Variants in CLASP1 observed in about 807,000 individuals in gnomAD.
CLASP1 encodes CLIP-associating protein 1.
In CLASP1, 38 loss-of-function variants were observed where a neutral mutation model predicts 192.3. The observed-to-expected ratio is 0.20, with a 90% CI of 0.15 to 0.26. CLASP1 has a LOEUF of 0.26. CLASP1 is among the 10% of genes least tolerant of loss of function. The pLI is 1.00. For synonymous variants in CLASP1, 691 were observed against 712.8 expected, an observed-to-expected ratio of 0.97 and a Z score of 0.49; for missense variants, 1,433 against 1,932.5, an observed-to-expected ratio of 0.74 and a Z score of 4.85.
intron 32 of CLASP1, among the ~76,000 whole-genome samples, chr2:121,384,467 C>A (rs372350184): frequency 6.6e-6 from 1 of 152,126 alleles, no homozygotes; most frequent in African/African-American, 2.4e-5. Context: ...GGATTACAGG[C>A]ATCAGTCACG....
At chr2:121,497,885 C>A (rs2093597819) in intron 8 of CLASP1, among the ~76,000 whole-genome samples, 1 of 152,044 alleles carries the variant, frequency 6.6e-6, no homozygotes, top group South Asian at 2.1e-4. Context: ...ACGCCCGGGC[C>A]CAGCTAATTT....
At chr2:121,525,196 TTGAAC>T (rs2094547622) in intron 6 of CLASP1, among the ~76,000 whole-genome samples, 1 of 152,164 alleles carries the variant, frequency 6.6e-6, no homozygotes, top group Non-Finnish European at 1.5e-5. Context: ...AGAAATAGCA[TTGAAC>T]TGGGAGGAGA....
At chr2:121,629,035 G>A (rs2068942930) in intron 1 of CLASP1, among the ~76,000 whole-genome samples, 1 of 151,848 alleles carries the variant, frequency 6.6e-6, no homozygotes, top group South Asian at 2.1e-4. Context: ...ACAGGGAAGT[G>A]GGAAATAAAT....
intron 1 of CLASP1, among the ~76,000 whole-genome samples, chr2:121,615,526 G>A (rs925793128): frequency 6.6e-6 from 1 of 152,034 alleles, no homozygotes; most frequent in African/African-American, 2.4e-5. Context: ...GTCGGGTGCG[G>A]TGGCTCAAAC....
At chr2:121,400,326 C>T (rs2075975499) in intron 28 of CLASP1, among the ~76,000 whole-genome samples, 1 of 152,066 alleles carries the variant, frequency 6.6e-6, no homozygotes, top group Admixed American at 6.5e-5. Context: ...TAGAGCAATG[C>T]AATTACACAG....
At position 121,377,497 on chromosome 2, in the gene CLASP1, A is replaced by G; in HGVS notation, c.3642+2T>C. The G allele has an allele frequency of 6.2e-7, 1 of 1,600,538 alleles. No individual in the cohort carries two copies. Among genetic ancestry groups the G allele is most frequent in the Non-Finnish European group, 8.5e-7 (1 of 1,172,440 alleles). On this transcript the variant is annotated splice_donor_variant, in intron 34 of 39. Transcript: ENST00000263710. LOFTEE classifies it high-confidence loss of function. ...GTTCTCTTTTAGCCTAGGGATACTT[A>G]CAATATCACACTCCTTTTTGCCATC...
At chr2:121,632,838 G>C (rs914034398) in intron 1 of CLASP1, among the ~76,000 whole-genome samples, 2 of 151,730 alleles carry the variant, frequency 1.3e-5, no homozygotes, top group South Asian at 2.1e-4. Flanking sequence ...GGAGGTTGCG[G>C]TGAGCCAAGA....
intron 2 of CLASP1, among the ~76,000 whole-genome samples, chr2:121,595,622 GTCAGTTTTTAACTCACCCT>G (rs1490393218): frequency 6.6e-6 from 1 of 152,180 alleles, no homozygotes; most frequent in East Asian, 1.9e-4. Context: ...TTTTATACCA[GTCAGTTTTTAACTCACCCT>G]TCACAGACTT....
At chr2:121,635,209 T>TAAAAA (rs776754807) in intron 1 of CLASP1, among the ~76,000 whole-genome samples, 1 of 137,300 alleles carries the variant, frequency 7.3e-6, no homozygotes, top group Non-Finnish European at 1.6e-5. Context: ...ATTGCGTCTG[T>TAAAAA]AAAAAAAAAA....
intron 36 of CLASP1, among the ~76,000 whole-genome samples, chr2:121,363,501 G>A (rs1472242451): frequency 6.6e-6 from 1 of 152,154 alleles, no homozygotes; most frequent in Admixed American, 6.5e-5. Flanking sequence ...ATGAAGGCAG[G>A]CACTGTGCCT....
At position 121,633,146 on chromosome 2, in the gene CLASP1, G is replaced by A. The variant is rs193130026; in HGVS notation, c.-286+16226C>T. 4.6e-5 allele frequency among the ~76,000 whole-genome samples: 7 copies of A among 151,416 alleles called. No homozygotes were observed. The East Asian group carries it at 1.2e-3, about 25-fold the overall frequency. ...TTTAATTCATGTGTATATATTACCTGTTCAAAAAAAAGTTTATAATAGAAA... is the reference window on the plus strand; with the variant it reads ...TTTAATTCATGTGTATATATTACCTATTCAAAAAAAAGTTTATAATAGAAA... On this transcript the variant is annotated intron_variant, in intron 1 of 39. Transcript: ENST00000263710.
At chr2:121,425,377 C>T in intron 21 of CLASP1, 71 bp from the exon 22 acceptor site, 8 of 1,309,600 alleles carry the variant, frequency 6.1e-6, no homozygotes, top group Non-Finnish European at 7.4e-6. Flanking sequence ...CTTTCAAAAG[C>T]CAGATTTTAC....
chr2:121,562,425 C>T (rs974693071), intron 2 of CLASP1, among the ~76,000 whole-genome samples: 13 of 152,228 alleles, frequency 8.5e-5, no homozygotes, highest in Non-Finnish European at 1.6e-4. Context: ...TCTCTCATCC[C>T]TTTTCCTGAA....
rs769753915 is a variant in CLASP1 at position 121,409,028 on chromosome 2, C to T, written c.2425-1313G>A. 5.1e-6 allele frequency: 8 copies of T among 1,565,656 alleles called. No individual in the cohort carries two copies. In the South Asian group the frequency reaches 9.5e-5, roughly 19 times the overall value. On this transcript the variant is annotated intron_variant, in intron 24 of 39. Transcript: ENST00000263710. Reference sequence around the variant, plus strand: ...CAAAAGTTAAAGGACTGGTACCTTGCTCCTGGAGTCTCCTAACAGCTGTAG... The same window carrying T: ...CAAAAGTTAAAGGACTGGTACCTTGTTCCTGGAGTCTCCTAACAGCTGTAG...
chr2:121,474,632 A>T (rs1032351632), intron 8 of CLASP1, among the ~76,000 whole-genome samples: 2 of 152,136 alleles, frequency 1.3e-5, no homozygotes, highest in African/African-American at 4.8e-5. Context: ...GCTACTCGGG[A>T]GGCTGAGGCA....
intron 1 of CLASP1, among the ~76,000 whole-genome samples, chr2:121,608,862 G>C (rs1190321434): frequency 6.6e-6 from 1 of 152,106 alleles, no homozygotes; most frequent in East Asian, 1.9e-4. Context: ...AAAATGAACA[G>C]ATACTAACCA....
rs114935435 is a variant in CLASP1, at chr2:121,626,568, A to G, written c.-285-20388T>C. The stretch of plus-strand genomic sequence containing the variant: ...CACATAGCAAGTATGAAACAGAACC[A>G]GAATTTTGATTCCTTTTTTTTTGTT... On this transcript the variant is annotated intron_variant, in intron 1 of 39. Transcript: ENST00000263710. Among the ~76,000 whole-genome samples, 1,032 of 147,130 alleles carry G rather than the reference A, an allele frequency of 7.0e-3. 9 individuals carry two copies. The highest frequency in any genetic ancestry group is 0.025 in the African/African-American group (944 of 37,370).
rs113189213 is a variant in CLASP1, at chr2:121,446,620, C to T, written c.1912+717G>A. Among the ~76,000 whole-genome samples, 347 of 152,232 alleles carry T rather than the reference C, an allele frequency of 2.3e-3. 1 individual carries two copies. Among genetic ancestry groups the T allele is most frequent in the African/African-American group, 7.9e-3 (327 of 41,554 alleles). ...TGAATTGGCTCTTACAAAAACAAAA[C>T]GAAATAAACAATTAGCCTGACACAC... On this transcript the variant is annotated intron_variant, in intron 19 of 39. Coordinates refer to ENST00000263710, the Ensembl canonical transcript of CLASP1.
intron 2 of CLASP1, chr2:121,530,871 T>A (rs190164088): frequency 5.9e-6 from 4 of 679,038 alleles, no homozygotes; most frequent in East Asian, 2.7e-5. Flanking sequence ...CCCAGGGACT[T>A]TCTATTATAA....
Sources: allele counts gnomAD v4.1 joint callset (sites outside exome capture counted in the v4.1 genomes callset), GRCh38; gene constraint gnomAD v4.1.1; transcripts MANE v1.5; gene names NCBI Gene and HGNC (gene_info 2026-07-23, HGNC 2026-07-21).